The following TENM2 variants were observed in gnomAD, a reference collection of about 807,000 sequenced individuals.
TENM2 encodes teneurin transmembrane protein 2.
Under a neutral mutation model 245.2 loss-of-function variants are expected in TENM2, and 52 were observed. The observed-to-expected ratio is 0.21, with a 90% CI of 0.17 to 0.27. The LOEUF (loss-of-function observed/expected upper bound fraction) is 0.27, where lower values mean the gene tolerates loss of function less well. Among genes scored for constraint, TENM2 ranks in the 10% least tolerant of loss-of-function variants. The pLI is 1.00. For synonymous variants in TENM2, 1,363 were observed against 1,438.9 expected (o/e 0.95, Z 1.19); for missense variants, 3,046 against 3,666.8 (o/e 0.83, Z 4.37).
At chr5:167,095,780 T>C in the TENM2 span, among the ~76,000 whole-genome samples, 3 of 151,362 alleles carry the variant, frequency 2.0e-5, no homozygotes, top group Admixed American at 6.6e-5. Flanking sequence ...TTTTTTTTTT[T>C]TTTTTTGAGA....
intron 2 of TENM2, among the ~76,000 whole-genome samples, chr5:167,459,328 T>G (rs763813934): frequency 3.3e-5 from 5 of 152,232 alleles, no homozygotes; most frequent in Non-Finnish European, 7.3e-5. Context: ...AGGATTTCCT[T>G]CCTTTTGAAG....
intron 13 of TENM2, 149 bp from the exon 16 acceptor site, chr5:168,190,188 A>C: frequency 5.2e-6 from 3 of 578,918 alleles, no homozygotes; most frequent in Non-Finnish European, 6.2e-6. Flanking sequence ...TTGGAATTGG[A>C]TGAGGCTTGC....
intron 2 of TENM2, among the ~76,000 whole-genome samples, chr5:167,686,004 A>G (rs1434600292): frequency 6.6e-6 from 1 of 152,222 alleles, no homozygotes; most frequent in Non-Finnish European, 1.5e-5. Context: ...CATCCTCGTC[A>G]GTAAAATGGA....
At chr5:167,567,147 A>G (rs1052745763) in intron 2 of TENM2, among the ~76,000 whole-genome samples, 2 of 152,196 alleles carry the variant, frequency 1.3e-5, no homozygotes, top group African/African-American at 4.8e-5. Flanking sequence ...ATAAAAATCG[A>G]CCCAAATTAT....
At chr5:168,229,165 A>ACTAT (rs985463700) in intron 25 of TENM2, among the ~76,000 whole-genome samples, 26 of 152,098 alleles carry the variant, frequency 1.7e-4, no homozygotes, top group Non-Finnish European at 2.2e-4. Context: ...GATAATTATT[A>ACTAT]CTATCTTCAT....
intron 1 of TENM2, among the ~76,000 whole-genome samples, chr5:167,330,521 T>G (rs896054271): frequency 1.3e-5 from 2 of 152,028 alleles, no homozygotes; most frequent in Non-Finnish European, 2.9e-5. Flanking sequence ...ACGAGCTGTT[T>G]TCACAGAGAG....
At chr5:167,161,580 T>A in the TENM2 span, among the ~76,000 whole-genome samples, 4 of 152,190 alleles carry the variant, frequency 2.6e-5, no homozygotes, top group Non-Finnish European at 2.9e-5. Context: ...TAAATAAAGT[T>A]AAATTGTTAA....
intron 2 of TENM2, among the ~76,000 whole-genome samples, chr5:167,407,967 A>G (rs1278351586): frequency 6.6e-6 from 1 of 152,180 alleles, no homozygotes; most frequent in Non-Finnish European, 1.5e-5. Context: ...GTGTCAGTAT[A>G]TACATTCTGA....
the TENM2 span, among the ~76,000 whole-genome samples, chr5:167,070,107 A>ACATT: frequency 1.8e-5 from 1 of 54,962 alleles, no homozygotes; most frequent in African/African-American, 8.5e-5. Flanking sequence ...CATTTGACAA[A>ACATT]TATTTATTTA....
chr5:167,106,974 G>T, the TENM2 span, among the ~76,000 whole-genome samples: 3 of 151,938 alleles, frequency 2.0e-5, no homozygotes, highest in Admixed American at 1.3e-4. Flanking sequence ...GCCAGGCGCG[G>T]TGGCTCATGC....
the TENM2 span, among the ~76,000 whole-genome samples, chr5:167,273,134 G>A: frequency 6.6e-6 from 1 of 152,186 alleles, no homozygotes; most frequent in Non-Finnish European, 1.5e-5. Flanking sequence ...CATAGGATTA[G>A]TTAATTAGAC....
intron 2 of TENM2, among the ~76,000 whole-genome samples, chr5:167,646,177 CATATATATATATATGTTGTTTTCATAT>C (rs1779930810): frequency 1.2e-5 from 1 of 84,162 alleles, no homozygotes; most frequent in African/African-American, 4.7e-5. Flanking sequence ...ATGTTGTTTT[CATATATATATATATGTTGTTTTCATAT>C]ATATATATAT....
intron 2 of TENM2, among the ~76,000 whole-genome samples, chr5:167,815,737 A>G (rs1041970748): frequency 1.3e-5 from 2 of 151,996 alleles, no homozygotes; most frequent in Non-Finnish European, 2.9e-5. Context: ...TTTTCTTGGA[A>G]AAGGGTGGGA....
the TENM2 span, among the ~76,000 whole-genome samples, chr5:167,159,435 A>G: frequency 6.6e-6 from 1 of 152,172 alleles, no homozygotes; most frequent in African/African-American, 2.4e-5. Flanking sequence ...TTAATGACAA[A>G]CATATTGTAT....
At chr5:167,044,343 C>T in the TENM2 span, among the ~76,000 whole-genome samples, 42 of 152,054 alleles carry the variant, frequency 2.8e-4, no homozygotes, top group African/African-American at 8.9e-4. Flanking sequence ...GGTGTGAAGA[C>T]GAAAAGTGAC....
intron 2 of TENM2, among the ~76,000 whole-genome samples, chr5:167,573,531 C>CCTCT (rs3052025): frequency 2.0e-5 from 3 of 149,832 alleles, no homozygotes; most frequent in Admixed American, 6.6e-5. Context: ...CCCCTCTCCC[C>CCTCT]CTCTCTCTCT....
chr5:167,613,707 A>T (rs1047726399), intron 2 of TENM2, among the ~76,000 whole-genome samples: 12 of 152,126 alleles, frequency 7.9e-5, no homozygotes, highest in African/African-American at 2.7e-4. Flanking sequence ...TTTTTAAAAC[A>T]TATACATCCT....
the TENM2 span, among the ~76,000 whole-genome samples, chr5:167,253,713 A>G: frequency 6.6e-6 from 1 of 152,146 alleles, no homozygotes; most frequent in African/African-American, 2.4e-5. Context: ...AATCAGTTAT[A>G]TCTCCCCTAA....
chr5:167,509,100 G>A (rs762492907), intron 2 of TENM2, among the ~76,000 whole-genome samples: 10 of 152,196 alleles, frequency 6.6e-5, no homozygotes, highest in South Asian at 4.1e-4. Flanking sequence ...TTGTAGGTGT[G>A]AGCCACCCCA....
Sources: allele counts gnomAD v4.1 joint callset (sites outside exome capture counted in the v4.1 genomes callset), GRCh38; gene constraint gnomAD v4.1.1; transcripts MANE v1.5; gene names NCBI Gene and HGNC (gene_info 2026-07-23, HGNC 2026-07-21).